The following SLC44A3 variants were observed in gnomAD, a reference collection of about 807,000 sequenced individuals.
The protein encoded by SLC44A3 is solute carrier family 44 member 3.
In SLC44A3, 74 loss-of-function variants were observed where a neutral mutation model predicts 75.4. The observed-to-expected ratio is 0.98, with a 90% CI of 0.81 to 1.19. The LOEUF (loss-of-function observed/expected upper bound fraction) is 1.19, where lower values mean the gene tolerates loss of function less well. SLC44A3 is among the 50% of genes most tolerant of loss of function. SLC44A3 has a pLI of 0.00. For synonymous variants in SLC44A3, 310 were observed against 296.9 expected (o/e 1.04, Z -0.45); for missense variants, 700 against 778.6 (o/e 0.90, Z 1.20).
At chr1:94,877,502 A>G (rs577624657) in intron 12 of SLC44A3, among the ~76,000 whole-genome samples, 1 of 152,272 alleles carries the variant, frequency 6.6e-6, no homozygotes, top group East Asian at 1.9e-4. Context: ...AAGGCGGAGA[A>G]ACAGAAGCAA....
Position 94,849,947 on chromosome 1 carries a change from C to T in SLC44A3, c.1072+4483C>T, listed in dbSNP as rs1195980488. 2.6e-5 allele frequency among the ~76,000 whole-genome samples: 4 copies of T among 152,210 alleles called. No homozygotes were observed. The East Asian group carries it at 5.8e-4, about 22-fold the overall frequency. Reference sequence around the variant, plus strand: ...TTTTTTTGTAGAGACAGGATTTTGCCGTGTTGCCCAGGTTGGTCTAGAAAT... The same window carrying T: ...TTTTTTTGTAGAGACAGGATTTTGCTGTGTTGCCCAGGTTGGTCTAGAAAT... On this transcript the variant is annotated intron_variant, in intron 9 of 14. Transcript: ENST00000271227.
chr1:94,833,222 T>C (rs1161340609), intron 5 of SLC44A3, among the ~76,000 whole-genome samples: 5 of 152,124 alleles, frequency 3.3e-5, no homozygotes, highest in African/African-American at 1.2e-4. Context: ...AGGAACACAT[T>C]TACTTGTCTG....
chr1:94,890,377 C>T (rs1220351503), intron 12 of SLC44A3, among the ~76,000 whole-genome samples: 1 of 152,174 alleles, frequency 6.6e-6, no homozygotes, highest in Non-Finnish European at 1.5e-5. Flanking sequence ...TCGTCTTCTC[C>T]AAGGGTTGTT....
intron 9 of SLC44A3, among the ~76,000 whole-genome samples, chr1:94,851,831 C>T (rs1281305372): frequency 6.6e-6 from 1 of 152,240 alleles, no homozygotes; most frequent in African/African-American, 2.4e-5. Context: ...AGTAGAACCC[C>T]TCCAAATTAG....
chr1:94,823,622 G>A (rs1424099673), intron 2 of SLC44A3, among the ~76,000 whole-genome samples: 1 of 152,216 alleles, frequency 6.6e-6, no homozygotes, highest in African/African-American at 2.4e-5. Context: ...AATGCAGAAT[G>A]TCTAGAAGGT....
chr1:94,870,950 A>G (rs190335301), intron 12 of SLC44A3, among the ~76,000 whole-genome samples: 19 of 152,332 alleles, frequency 1.2e-4, no homozygotes, highest in Admixed American at 2.6e-4. Context: ...CAAACTGCAG[A>G]GATCACAGGC....
chr1:94,852,333 G>A (rs1311619592), intron 9 of SLC44A3, among the ~76,000 whole-genome samples: 1 of 152,188 alleles, frequency 6.6e-6, no homozygotes, highest in African/African-American at 2.4e-5. Context: ...ACGATCAGGG[G>A]TGCCTCACTG....
chr1:94,826,873 T>C (rs1448812901), intron 3 of SLC44A3, among the ~76,000 whole-genome samples: 1 of 152,120 alleles, frequency 6.6e-6, no homozygotes, highest in East Asian at 1.9e-4. Flanking sequence ...CCTGGGGTCT[T>C]GGAGCCTGGA....
chr1:94,823,678 CT>C (rs1419425742), intron 2 of SLC44A3, among the ~76,000 whole-genome samples: 5 of 152,160 alleles, frequency 3.3e-5, no homozygotes, highest in African/African-American at 1.2e-4. Context: ...GGTATCAATA[CT>C]ATATATTAAT....
chr1:94,833,781 C>T (rs1055563675), intron 5 of SLC44A3, among the ~76,000 whole-genome samples: 6 of 152,044 alleles, frequency 3.9e-5, no homozygotes, highest in Non-Finnish European at 8.8e-5. Flanking sequence ...TTCAACTCTT[C>T]AAAAATTACT....
intron 12 of SLC44A3, among the ~76,000 whole-genome samples, chr1:94,884,970 G>A (rs1200461267): frequency 2.0e-5 from 3 of 152,062 alleles, no homozygotes; most frequent in African/African-American, 7.2e-5. Flanking sequence ...TACCGGCCAG[G>A]CGCAGTGGCT....
intron 12 of SLC44A3, among the ~76,000 whole-genome samples, chr1:94,877,302 T>C (rs1668398256): frequency 6.6e-6 from 1 of 151,948 alleles, no homozygotes; most frequent in South Asian, 2.1e-4. Flanking sequence ...TTTCTTCACC[T>C]TTTCCCCTGG....
chr1:94,839,985 C>T lies in SLC44A3; in HGVS notation c.708C>T (p.Ile236=), dbSNP rs1663365744. The T allele has an allele frequency of 1.9e-6, 3 of 1,614,028 alleles. No individual in the cohort carries two copies. The highest frequency in any genetic ancestry group is 1.3e-5 in the African/African-American group (1 of 74,922). Residue 236 remains isoleucine, a synonymous_variant, in exon 7 of 15, where the codon ATC becomes ATT. Coordinates refer to ENST00000271227, the MANE Select transcript of SLC44A3 (RefSeq NM_001114106.3). ...CCATGATGTTTACCTTCAGATTCAT[C>T]ACCACCCTTCTGGTTCACATTTTCA... is the stretch of plus-strand genomic sequence containing the variant. ...SLAMMFTFRF[I]TTLLVHIFIS... is the part of the protein sequence containing the mutation.
chr1:94,874,208 C>T (rs192062447), intron 12 of SLC44A3, among the ~76,000 whole-genome samples: 5 of 152,326 alleles, frequency 3.3e-5, no homozygotes, highest in Non-Finnish European at 5.9e-5. Flanking sequence ...TTTTCAGAGG[C>T]CCCAGGCTGT....
In SLC44A3 at chr1:94,838,130, G is replaced by A. The variant is rs183811693; in HGVS notation, c.670+259G>A. On this transcript the variant is annotated intron_variant, in intron 6 of 14. Coordinates refer to ENST00000271227, the MANE Select transcript of SLC44A3 (RefSeq NM_001114106.3). ...TGTTCTAGTGTCTGCTCCTCACTGG[G>A]GATGGGTATATAAAGCAGATTGCCA... 1.8e-3 allele frequency among the ~76,000 whole-genome samples: 269 copies of A among 152,310 alleles called. 3 individuals are homozygous for A. The highest frequency in any genetic ancestry group is 6.2e-3 in the African/African-American group (259 of 41,562).
rs542687174 is a variant in SLC44A3, at chr1:94,865,062, A to G, written c.1395+163A>G. On this transcript the variant is annotated intron_variant, in intron 11 of 14. Transcript: ENST00000271227. ...GCTCCCATCCCCCGCCTCTCCCAGC[A>G]AAACTTTTATTTTCCCAGAGTCTGT... Among the ~76,000 whole-genome samples the G allele has an allele frequency of 3.9e-5, 6 of 152,264 alleles. No individual in the cohort carries two copies. In the East Asian group the frequency reaches 1.2e-3, roughly 29 times the overall value.
Position 94,837,761 on chromosome 1 carries a change from A to G in SLC44A3, c.560A>G (p.Tyr187Cys). The G allele has an allele frequency of 6.2e-7, 1 of 1,609,882 alleles. No homozygotes were observed. The highest frequency in any genetic ancestry group is 2.2e-5 in the East Asian group (1 of 44,560). ...NRCVPQTPEC[Y>C]SLFASVLIND... The stretch of plus-strand genomic sequence containing the variant: ...TGTGTCCCTCAAACACCTGAGTGCT[A>G]CTCCCTATTTGCATCTGTTTTGATA... Residue 187 changes from tyrosine to cysteine, a missense_variant, in exon 6 of 15, where the codon TAC becomes TGC. Transcript: ENST00000271227.
intron 5 of SLC44A3, among the ~76,000 whole-genome samples, chr1:94,832,894 G>A (rs185542967): frequency 6.6e-6 from 1 of 152,272 alleles, no homozygotes; most frequent in Admixed American, 6.5e-5. Context: ...TTGAGCCCAG[G>A]GGTTTGAGGT....
At chr1:94,861,871 G>A (rs762209442) in intron 10 of SLC44A3, among the ~76,000 whole-genome samples, 3 of 152,332 alleles carry the variant, frequency 2.0e-5, no homozygotes, top group Non-Finnish European at 4.4e-5. Flanking sequence ...TGTTAGGGAT[G>A]TGATAGGAAG....
Sources: gnomAD v4.1 joint callset for allele counts (sites outside exome capture counted in the v4.1 genomes callset) on GRCh38, gnomAD v4.1.1 for gene constraint, MANE v1.5 for transcripts, NCBI Gene and HGNC (gene_info 2026-07-23, HGNC 2026-07-21) for gene names.